Variants in SRP54 observed in about 807,000 individuals in gnomAD.
The protein encoded by SRP54 is signal recognition particle 54, also known as signal recognition particle subunit SRP54.
SRP54 carries 10 observed loss-of-function variants against 64.8 expected under a neutral mutation model. The ratio of observed to expected loss-of-function variants is 0.15; its 90% CI spans 0.10 to 0.26. The LOEUF (loss-of-function observed/expected upper bound fraction) is 0.26, where lower values mean the gene tolerates loss of function less well. Ranked by LOEUF, SRP54 falls within the 10% of genes least tolerant of loss-of-function variation. The probability of loss-of-function intolerance (pLI) is 1.00; values close to 1 mark genes in which losing one functional copy is unlikely to be tolerated. For missense variants in SRP54, 325 were observed against 613.7 expected, an observed-to-expected ratio of 0.53 and a Z score of 4.97; for synonymous variants, 193 against 185.6, an observed-to-expected ratio of 1.04 and a Z score of -0.32.
chr14:35,018,586 T>C, intron 11 of SRP54, 106 bp from the exon 12 acceptor site: 2 of 870,690 alleles, frequency 2.3e-6, no homozygotes, highest in East Asian at 5.3e-5. Flanking sequence ...GATGTATATT[T>C]TATAAATATG....
chr14:35,015,818 TG>T (rs1178244790), intron 11 of SRP54, among the ~76,000 whole-genome samples: 3 of 152,236 alleles, frequency 2.0e-5, no homozygotes, highest in African/African-American at 7.2e-5. Flanking sequence ...TCTTAAATGC[TG>T]GTGTTTCTCA....
intron 14 of SRP54, among the ~76,000 whole-genome samples, chr14:35,025,487 T>C (rs1297154434): frequency 6.6e-6 from 1 of 152,198 alleles, no homozygotes; most frequent in Non-Finnish European, 1.5e-5. Flanking sequence ...CACTGTAATG[T>C]CTTTCCCATG....
At chr14:34,998,487 A>G (rs950767901) in intron 2 of SRP54, among the ~76,000 whole-genome samples, 3 of 152,054 alleles carry the variant, frequency 2.0e-5, no homozygotes, top group South Asian at 2.1e-4. Flanking sequence ...CTTCTGTCAC[A>G]TTTACTTCCA....
At chr14:35,002,795 G>A (rs183073795) in intron 4 of SRP54, among the ~76,000 whole-genome samples, 16 of 140,326 alleles carry the variant, frequency 1.1e-4, no homozygotes, top group African/African-American at 3.7e-4. Context: ...CCAGGCTGGA[G>A]TGTAGTGGTG....
rs376054755 is a variant in SRP54 at position 35,027,945 on chromosome 14, TAGAA to T, written c.1328-138_1328-135del. On this transcript the variant is annotated intron_variant, in intron 14 of 15. Coordinates refer to ENST00000216774, the MANE Select transcript of SRP54 (RefSeq NM_003136.4). ...AAGATTAGAAGGGAATATGTAGAAA[TAGAA>T]AGAATTATGTTAGAGTGATAGGATT... 71 of 437,128 alleles carry T rather than the reference TAGAA, an allele frequency of 1.6e-4. 1 individual carries two copies. Among genetic ancestry groups the T allele is most frequent in the South Asian group, 8.4e-4 (13 of 15,534 alleles). 27.1% of individuals were successfully genotyped at this position (437,128 alleles called of 1,614,324 possible).
At chr14:35,001,087 A>T (rs2044162915) in intron 4 of SRP54, 67 bp downstream of exon 4, 1 of 637,906 alleles carries the variant, frequency 1.6e-6, no homozygotes, top group Admixed American at 3.5e-5. Flanking sequence ...AGCACTACAA[A>T]TATTTCAGAA....
chr14:35,017,783 C>T (rs1416512459), intron 11 of SRP54, among the ~76,000 whole-genome samples: 1 of 152,134 alleles, frequency 6.6e-6, no homozygotes, highest in Non-Finnish European at 1.5e-5. Context: ...ATTTCCATTA[C>T]TCTAAAAGGT....
At chr14:35,001,258 TCTC>T (rs1164460385) in intron 4 of SRP54, among the ~76,000 whole-genome samples, 1 of 148,344 alleles carries the variant, frequency 6.7e-6, no homozygotes, top group South Asian at 2.2e-4. Context: ...TTCAAGCAAT[TCTC>T]CTGCCTCAGC....
chr14:34,999,020 T>TTG, intron 2 of SRP54, among the ~76,000 whole-genome samples: 1 of 116,344 alleles, frequency 8.6e-6, no homozygotes, highest in East Asian at 3.3e-4. Flanking sequence ...TGTGGTTTTT[T>TTG]TTTTTTTTTT....
At chr14:34,993,004 A>G (rs2044005767) in intron 1 of SRP54, among the ~76,000 whole-genome samples, 1 of 151,858 alleles carries the variant, frequency 6.6e-6, no homozygotes, top group African/African-American at 2.4e-5. Flanking sequence ...GGACTACCGG[A>G]GTGCACCACC....
chr14:34,995,167 G>C (rs1218812035), intron 1 of SRP54, among the ~76,000 whole-genome samples: 3 of 125,608 alleles, frequency 2.4e-5, no homozygotes, highest in Non-Finnish European at 5.8e-5. Context: ...GTGTGTGTGT[G>C]TGTGTGTGTG....
intron 1 of SRP54, among the ~76,000 whole-genome samples, chr14:34,987,242 A>T (rs201198843): frequency 0.038 from 2,523 of 66,112 alleles, 49 homozygotes; most frequent in Admixed American, 0.087. Context: ...AAAAAAAAAA[A>T]AAAAATATAT....
chr14:35,028,019 T>C, intron 14 of SRP54, 69 bp from the exon 15 acceptor site: 3 of 982,598 alleles, frequency 3.1e-6, no homozygotes, highest in East Asian at 2.5e-5. Context: ...AAACTTTCTA[T>C]TATACCCTGA....
intron 1 of SRP54, among the ~76,000 whole-genome samples, chr14:34,994,979 G>A (rs1279117086): frequency 7.7e-6 from 1 of 130,444 alleles, no homozygotes; most frequent in South Asian, 2.4e-4. Flanking sequence ...AGTCCTGCCT[G>A]CTATGTTGCC....
intron 5 of SRP54, among the ~76,000 whole-genome samples, 186 bp from the exon 6 acceptor site, chr14:35,008,441 T>G (rs1189097814): frequency 6.6e-6 from 1 of 152,204 alleles, no homozygotes; most frequent in Non-Finnish European, 1.5e-5. Flanking sequence ...TGCTACTGCA[T>G]GACAATTAGA....
At chr14:35,017,987 C>T (rs1248559920) in intron 11 of SRP54, among the ~76,000 whole-genome samples, 2 of 152,084 alleles carry the variant, frequency 1.3e-5, no homozygotes, top group Non-Finnish European at 1.5e-5. Context: ...CATCCATAGT[C>T]ATAACTACTC....
At chr14:35,015,175 C>T (rs1595006358) in intron 11 of SRP54, among the ~76,000 whole-genome samples, 1 of 152,330 alleles carries the variant, frequency 6.6e-6, no homozygotes, top group South Asian at 2.1e-4. Flanking sequence ...CTCCTGGGTT[C>T]AAGTGATTCT....
chr14:35,026,870 G>A (rs2044635719), intron 14 of SRP54, among the ~76,000 whole-genome samples: 3 of 152,118 alleles, frequency 2.0e-5, no homozygotes, highest in Admixed American at 2.0e-4. Flanking sequence ...GTGAACCCGG[G>A]AGGCGGGGGT....
At chr14:34,987,243 A>AGT (rs1193984687) in intron 1 of SRP54, among the ~76,000 whole-genome samples, 1 of 75,026 alleles carries the variant, frequency 1.3e-5, no homozygotes, top group Non-Finnish European at 2.9e-5. Flanking sequence ...AAAAAAAAAA[A>AGT]AAAATATATA....
Sources: gnomAD v4.1 joint callset for allele counts (sites outside exome capture counted in the v4.1 genomes callset) on GRCh38, gnomAD v4.1.1 for gene constraint, MANE v1.5 for transcripts, NCBI Gene and HGNC (gene_info 2026-07-23, HGNC 2026-07-21) for gene names.